PSG3: variants seen among roughly 807,000 people sequenced by gnomAD.
PSG3 encodes pregnancy-specific beta-1-glycoprotein 3.
PSG3 carries 61 observed loss-of-function variants against 47.5 expected under a neutral mutation model. The observed-to-expected ratio is 1.28, with a 90% confidence interval of 1.05 to 1.59. The LOEUF (loss-of-function observed/expected upper bound fraction) is 1.59, where lower values mean the gene tolerates loss of function less well. PSG3 is among the 40% of genes most tolerant of loss of function. The pLI is 0.00. For synonymous variants in PSG3, 263 were observed against 198.4 expected (o/e 1.33, Z -2.74); for missense variants, 756 against 524.0 (o/e 1.44, Z -4.32).
At chr19:42,731,061 C>T (rs1415900260) in intron 3 of PSG3, among the ~76,000 whole-genome samples, 1 of 152,084 alleles carries the variant, frequency 6.6e-6, no homozygotes, top group African/African-American at 2.4e-5. Context: ...AAGTGGATTC[C>T]AGAGTGAATA....
At chr19:42,738,306 T>C (rs1284941652) in intron 2 of PSG3, among the ~76,000 whole-genome samples, 4 of 152,200 alleles carry the variant, frequency 2.6e-5, no homozygotes, top group Non-Finnish European at 4.4e-5. Context: ...CTCAGATTTA[T>C]CTGGAGCAAG....
At chr19:42,729,521 G>A (rs1185485936) in intron 4 of PSG3, 144 bp from the exon 5 acceptor site, 5 of 1,478,512 alleles carry the variant, frequency 3.4e-6, no homozygotes, top group African/African-American at 2.8e-5. Flanking sequence ...CTGAGCTGAA[G>A]CCTGAGGTAT....
chr19:42,725,033 A>C (rs1330008113), intron 5 of PSG3, among the ~76,000 whole-genome samples: 8 of 152,264 alleles, frequency 5.3e-5, no homozygotes, highest in Non-Finnish European at 8.8e-5. Flanking sequence ...AGAAGCTTAG[A>C]GTGGTGTAAA....
chr19:42,731,528 T>A (rs1397007771), intron 3 of PSG3, among the ~76,000 whole-genome samples: 1 of 152,192 alleles, frequency 6.6e-6, no homozygotes, highest in Admixed American at 6.5e-5. Flanking sequence ...GAAAGGCTGA[T>A]TGCTATTTTC....
chr19:42,725,046 T>A (rs1199621462), intron 5 of PSG3, among the ~76,000 whole-genome samples: 2 of 152,206 alleles, frequency 1.3e-5, no homozygotes, highest in Non-Finnish European at 2.9e-5. Flanking sequence ...GGTGTAAAAC[T>A]TTCCTGGTGT....
At position 42,729,760 on chromosome 19, in the gene PSG3, G is replaced by A. The variant is rs181066098; in HGVS notation, c.988+18C>T. 3 of 1,607,212 alleles carry A rather than the reference G, an allele frequency of 1.9e-6. No individual in the cohort carries two copies. Among genetic ancestry groups the A allele is most frequent in the African/African-American group, 2.7e-5 (2 of 74,744 alleles). Reference sequence around the variant, plus strand: ...TTAAGCTGGTGTCCTGGCCCACAGAGGAACAAAAGATACTCACAGAGGACA... The same window carrying A: ...TTAAGCTGGTGTCCTGGCCCACAGAAGAACAAAAGATACTCACAGAGGACA... On this transcript the variant is annotated intron_variant, in intron 4 of 6. Transcript: ENST00000327495.
At position 42,724,813 on chromosome 19, in the gene PSG3, C is replaced by T. The variant is rs186689887; in HGVS notation, c.1244-788G>A. ...TGATTCTTTGCACTTAGCTTTTTTT[C>T]TTTCTCTCCCACAAGTAGTCAGTAA... On this transcript the variant is annotated intron_variant, in intron 5 of 6. Transcript: ENST00000327495. Among the ~76,000 whole-genome samples the T allele has an allele frequency of 7.9e-3, 1,202 of 151,858 alleles. 13 individuals are homozygous for T. The highest frequency in any genetic ancestry group is 0.016 in the Admixed American group (240 of 15,256).
At chr19:42,731,323 A>G (rs1969470050) in intron 3 of PSG3, among the ~76,000 whole-genome samples, 2 of 152,212 alleles carry the variant, frequency 1.3e-5, no homozygotes, top group African/African-American at 4.8e-5. Context: ...AATCTGAAAG[A>G]CTCAAAATCT....
chr19:42,725,951 C>G (rs113191020), intron 5 of PSG3, among the ~76,000 whole-genome samples: 13 of 139,788 alleles, frequency 9.3e-5, no homozygotes, highest in South Asian at 2.3e-4. Context: ...TTCTAATAAA[C>G]TAATGATTAT....
intron 2 of PSG3, among the ~76,000 whole-genome samples, chr19:42,738,514 C>A (rs1348236061): frequency 9.8e-5 from 15 of 152,314 alleles, no homozygotes; most frequent in Non-Finnish European, 1.6e-4. Context: ...CCTTCCTCTG[C>A]AGCGAGTGTC....
In PSG3 at chr19:42,738,720, TCA is replaced by T; in HGVS notation, c.430+2_430+3del. ...ACACCCAGTGATCACGTGGAGTCAC[TCA>T]CGGTATAAGGTGAAGGTGAAATGTC... On this transcript the variant is annotated splice_donor_variant and splice_donor_region_variant and intron_variant, in intron 2 of 6. Coordinates refer to ENST00000327495, the MANE Select transcript of PSG3 (RefSeq NM_021016.4). LOFTEE classifies it high-confidence loss of function. The T allele has an allele frequency of 6.2e-7, 1 of 1,613,584 alleles. No individual in the cohort carries two copies.
Position 42,729,948 on chromosome 19 carries a change from C to A in PSG3, c.818G>T (p.Trp273Leu). 2 of 1,612,130 alleles carry A rather than the reference C, an allele frequency of 1.2e-6. No homozygotes were observed. The highest frequency in any genetic ancestry group is 1.7e-6 in the Non-Finnish European group (2 of 1,179,858). ...EPKSENYTYI[W>L]WLNGQSLPVS... ...CGGGAGGCTCTGACCATTTAGCCAC[C>A]AAATGTAGGTGTAGTTCTCACTCTT... The change falls in exon 4 of 7, where the codon TGG (tryptophan) becomes TTG (leucine). Residue 273 changes from tryptophan to leucine, a missense_variant. By Grantham distance (61) the Trp-to-Leu change is moderately conservative. Coordinates refer to ENST00000327495, the MANE Select transcript of PSG3 (RefSeq NM_021016.4).
At position 42,739,957 on chromosome 19, in the gene PSG3, T is replaced by G. The variant is rs141874186; in HGVS notation, c.64+364A>C. Among the ~76,000 whole-genome samples the G allele has an allele frequency of 3.1e-3, 467 of 151,336 alleles. 3 individuals carry two copies. The highest frequency in any genetic ancestry group is 6.0e-3 in the South Asian group (29 of 4,802). ...TCCTTTTTTTCTTTTTTCTTTCCAT[T>G]CTTTTTTTTTTTTGAGACGGAGTCT... On this transcript the variant is annotated intron_variant, in intron 1 of 6. Transcript: ENST00000327495.
chr19:42,723,982 C>G lies in PSG3; in HGVS notation c.1287G>C (p.Ter429TyrextTer3). 1 of 1,609,534 alleles carries G rather than the reference C, an allele frequency of 6.2e-7. No individual in the cohort carries two copies. The highest frequency in any genetic ancestry group is 8.5e-7 in the Non-Finnish European group (1 of 1,175,874). Residue 429 changes from the stop codon to tyrosine (Y), a stop_lost, in exon 6 of 7, where the codon TAG (stop) becomes TAC (tyrosine). Coordinates refer to ENST00000327495, the MANE Select transcript of PSG3 (RefSeq NM_021016.4). ...AAATACAGAAATGACATCACGGCTG[C>G]TATAATGGATTAAGGCCAGGAAGAT... Reference protein sequence around the residue: ...TGHLPGLNPL* With the variant: ...TGHLPGLNPLY
At chr19:42,739,903 C>T (rs756006768) in intron 1 of PSG3, among the ~76,000 whole-genome samples, 18 of 152,020 alleles carry the variant, frequency 1.2e-4, no homozygotes, top group Non-Finnish European at 2.1e-4. Context: ...GTGTATTTTC[C>T]CCTATCCAGG....
intron 2 of PSG3, among the ~76,000 whole-genome samples, chr19:42,735,466 A>T (rs1344555247): frequency 6.6e-6 from 1 of 152,150 alleles, no homozygotes; most frequent in East Asian, 1.9e-4. Flanking sequence ...TCCTGGGTTC[A>T]TGCCATTCTC....
intron 5 of PSG3, 67 bp downstream of exon 5, chr19:42,729,056 C>T (rs1969420206): frequency 3.1e-6 from 5 of 1,611,708 alleles, no homozygotes; most frequent in Non-Finnish European, 3.4e-6. Context: ...GTTTTCCTGA[C>T]TCTTCTCTGA....
chr19:42,737,651 T>C (rs966293884), intron 2 of PSG3, among the ~76,000 whole-genome samples: 3 of 152,112 alleles, frequency 2.0e-5, no homozygotes, highest in Admixed American at 1.3e-4. Flanking sequence ...GAAGAGAGGA[T>C]TTGAGCCAAT....
intron 3 of PSG3, among the ~76,000 whole-genome samples, chr19:42,730,868 T>G (rs1969461921): frequency 6.6e-6 from 1 of 152,194 alleles, no homozygotes; most frequent in African/African-American, 2.4e-5. Flanking sequence ...CATGTGGACA[T>G]TTGCAAATGC....
Sources: allele counts gnomAD v4.1 joint callset (sites outside exome capture counted in the v4.1 genomes callset), GRCh38; gene constraint gnomAD v4.1.1; transcripts MANE v1.5; gene names NCBI Gene and HGNC (gene_info 2026-07-23, HGNC 2026-07-21).